The following RHBDD1 variants were observed in gnomAD, a reference collection of about 807,000 sequenced individuals.
RHBDD1 encodes rhomboid domain containing 1.
In RHBDD1, 38 loss-of-function variants were observed where a neutral mutation model predicts 36.3. The ratio of observed to expected loss-of-function variants is 1.05; its 90% CI spans 0.81 to 1.37. RHBDD1 has a LOEUF of 1.37. Among genes scored for constraint, RHBDD1 ranks in the 40% most tolerant of loss-of-function variants. The pLI is 0.00. For synonymous variants in RHBDD1, 151 were observed against 136.5 expected, an observed-to-expected ratio of 1.11 and a Z score of -0.74; for missense variants, 393 against 377.6, an observed-to-expected ratio of 1.04 and a Z score of -0.34.
chr2:226,845,699 A>G (rs184083350), intron 3 of RHBDD1, among the ~76,000 whole-genome samples: 1 of 152,304 alleles, frequency 6.6e-6, no homozygotes, highest in African/African-American at 2.4e-5. Flanking sequence ...CTGTGAAGCC[A>G]TTTGTTCTTT....
intron 8 of RHBDD1, among the ~76,000 whole-genome samples, chr2:226,930,676 G>A (rs1050432535): frequency 1.3e-5 from 2 of 151,780 alleles, no homozygotes; most frequent in African/African-American, 4.8e-5. Context: ...CATGGCAAAA[G>A]AAATAATTAT....
In RHBDD1 at chr2:226,895,843, G is replaced by C. The variant is rs1391211916; in HGVS notation, c.567-10950G>C. On this transcript the variant is annotated intron_variant, in intron 5 of 8. Coordinates refer to ENST00000392062, the MANE Select transcript of RHBDD1 (RefSeq NM_001167608.3). ...ATTTAGGCTTATCCACCACATTGAT[G>C]AGAGAAGTACTGTTCTTAAAATGAG... 3.1e-6 allele frequency: 3 copies of C among 982,716 alleles called. No individual in the cohort carries two copies. The East Asian group carries it at 3.4e-4, about 111-fold the overall frequency. The allele number at this position is 982,716 out of a possible 1,614,324, so 60.9% of individuals were successfully genotyped here. A position where few individuals can be genotyped will look rare whatever the true frequency, so the allele number is the denominator to read the frequency against.
At chr2:226,941,487 G>C in intron 8 of RHBDD1, among the ~76,000 whole-genome samples, 1 of 152,206 alleles carries the variant, frequency 6.6e-6, no homozygotes, top group East Asian at 1.9e-4. Context: ...CTTGTTATAT[G>C]CGTGCTGTGA....
intron 8 of RHBDD1, among the ~76,000 whole-genome samples, chr2:226,950,636 T>A (rs1187816763): frequency 2.0e-5 from 3 of 151,956 alleles, no homozygotes; most frequent in Non-Finnish European, 4.4e-5. Context: ...CCACATCCTC[T>A]CCAAGACTTA....
intron 8 of RHBDD1, among the ~76,000 whole-genome samples, chr2:226,927,297 TGGTTGA>T (rs1949725466): frequency 1.3e-5 from 2 of 152,098 alleles, no homozygotes; most frequent in African/African-American, 2.4e-5. Flanking sequence ...TTTTCTTTTA[TGGTTGA>T]ATTATACTCT....
intron 8 of RHBDD1, among the ~76,000 whole-genome samples, chr2:226,937,868 G>A (rs2149136023): frequency 6.6e-6 from 1 of 152,260 alleles, no homozygotes. Flanking sequence ...TTGATACCAT[G>A]TCTTTCCTAT....
intron 2 of RHBDD1, among the ~76,000 whole-genome samples, chr2:226,838,835 T>C (rs936265370): frequency 6.6e-6 from 1 of 152,198 alleles, no homozygotes; most frequent in Admixed American, 6.5e-5. Flanking sequence ...ATCTTCAGTT[T>C]TATCACTGTA....
chr2:226,994,954 C>G (rs572651123), intron 8 of RHBDD1, among the ~76,000 whole-genome samples: 1 of 152,206 alleles, frequency 6.6e-6, no homozygotes, highest in African/African-American at 2.4e-5. Flanking sequence ...GTTTCAATCA[C>G]GCATGATTCT....
At chr2:226,920,290 T>C (rs907092637) in intron 8 of RHBDD1, among the ~76,000 whole-genome samples, 19 of 151,994 alleles carry the variant, frequency 1.3e-4, no homozygotes. Context: ...TTAATAGTTT[T>C]TTGGTGGGTT....
At chr2:226,944,475 G>A (rs947499708) in intron 8 of RHBDD1, among the ~76,000 whole-genome samples, 6 of 152,110 alleles carry the variant, frequency 3.9e-5, no homozygotes, top group African/African-American at 1.4e-4. Flanking sequence ...GCAGAATAAT[G>A]AGACCGCAGG....
At position 226,938,043 on chromosome 2, in the gene RHBDD1, A is replaced by G. The variant is rs560117197; in HGVS notation, c.856+23692A>G. On this transcript the variant is annotated intron_variant, in intron 8 of 8. Transcript: ENST00000392062. Reference sequence around the variant, plus strand: ...AGTGTCTTCCACAATGGCTGAACTAATTTACATTCCCACCAACAGTGTAAA... The same window carrying G: ...AGTGTCTTCCACAATGGCTGAACTAGTTTACATTCCCACCAACAGTGTAAA... Among the ~76,000 whole-genome samples, 4 of 152,280 alleles carry G rather than the reference A, an allele frequency of 2.6e-5. No individual in the cohort carries two copies. The East Asian group carries it at 7.7e-4, about 29-fold the overall frequency.
chr2:226,890,305 C>T (rs540039061), intron 5 of RHBDD1, among the ~76,000 whole-genome samples: 9 of 152,270 alleles, frequency 5.9e-5, no homozygotes, highest in Non-Finnish European at 1.0e-4. Context: ...ACGTGTCAGC[C>T]ATTCTACAGG....
At chr2:226,961,060 G>A (rs1952160223) in intron 8 of RHBDD1, among the ~76,000 whole-genome samples, 2 of 152,270 alleles carry the variant, frequency 1.3e-5, no homozygotes, top group South Asian at 2.1e-4. Flanking sequence ...TGGGGGAGTA[G>A]GCAGAAAGAG....
chr2:226,862,905 C>T (rs887298087), intron 3 of RHBDD1, among the ~76,000 whole-genome samples: 1 of 152,188 alleles, frequency 6.6e-6, no homozygotes, highest in Non-Finnish European at 1.5e-5. Flanking sequence ...GTGCCAGTCT[C>T]TTTTAACAAC....
intron 8 of RHBDD1, among the ~76,000 whole-genome samples, chr2:226,965,062 T>C (rs1952516060): frequency 3.9e-5 from 6 of 152,190 alleles, no homozygotes; most frequent in Admixed American, 1.3e-4. Context: ...AACCTCCAAG[T>C]ATGACCTCAT....
chr2:226,850,881 G>T (rs1481375965), intron 3 of RHBDD1, among the ~76,000 whole-genome samples: 1 of 152,166 alleles, frequency 6.6e-6, no homozygotes, highest in Middle Eastern at 3.2e-3. Flanking sequence ...TGGTGACCAT[G>T]AGAAAAGGAA....
chr2:226,958,750 C>T, intron 8 of RHBDD1, among the ~76,000 whole-genome samples: 1 of 125,886 alleles, frequency 7.9e-6, no homozygotes, highest in Non-Finnish European at 1.7e-5. Flanking sequence ...GTGTGTAAAT[C>T]TGGAATATTG....
chr2:226,895,062 C>T (rs578099780), intron 5 of RHBDD1, among the ~76,000 whole-genome samples: 4 of 152,284 alleles, frequency 2.6e-5, no homozygotes, highest in Admixed American at 6.5e-5. Context: ...GCTGGAGAGG[C>T]AGACAGAAGT....
intron 3 of RHBDD1, among the ~76,000 whole-genome samples, chr2:226,862,275 TAAAGG>T (rs1345255682): frequency 6.6e-6 from 1 of 152,088 alleles, no homozygotes; most frequent in Non-Finnish European, 1.5e-5. Flanking sequence ...TTATGTTTCT[TAAAGG>T]GAGGAAATTG....
Sources: allele counts gnomAD v4.1 joint callset (sites outside exome capture counted in the v4.1 genomes callset), GRCh38; gene constraint gnomAD v4.1.1; transcripts MANE v1.5; gene names NCBI Gene and HGNC (gene_info 2026-07-23, HGNC 2026-07-21).